Variants in ZNHIT3 observed in about 807,000 individuals in gnomAD.
The protein encoded by ZNHIT3 is zinc finger HIT domain-containing protein 3.
In ZNHIT3, 27 loss-of-function variants were observed where a neutral mutation model predicts 19.9. The observed-to-expected ratio is 1.36, with a 90% CI of 1.00 to 1.87. The LOEUF is 1.87. Ranked by LOEUF, ZNHIT3 falls within the 40% of genes most tolerant of loss-of-function variation. The probability of loss-of-function intolerance (pLI) is 0.00; values close to 1 mark genes in which losing one functional copy is unlikely to be tolerated. For synonymous variants in ZNHIT3, 81 were observed against 65.7 expected (o/e 1.23, Z -1.13); for missense variants, 215 against 185.6 (o/e 1.16, Z -0.92).
chr17:36,491,624 G>C (rs1209157689), intron 2 of ZNHIT3: 6 of 152,174 alleles, frequency 3.9e-5, no homozygotes, highest in Non-Finnish European at 7.3e-5. Flanking sequence ...CCTTTTGCTA[G>C]ATCTCTCTCT....
chr17:36,494,293 C>G (rs944075513), intron 4 of ZNHIT3, among the ~76,000 whole-genome samples: 4 of 152,204 alleles, frequency 2.6e-5, no homozygotes, highest in African/African-American at 7.2e-5. Flanking sequence ...CCTTTTGTGT[C>G]TCTTTCAGAA....
downstream of ZNHIT3, chr17:36,499,148 C>T (rs1477110040): frequency 1.2e-6 from 2 of 1,606,112 alleles, no homozygotes; most frequent in Non-Finnish European, 1.7e-6. Flanking sequence ...CCGAGTTAAC[C>T]AGGAACGAAT....
At chr17:36,493,791 T>G in intron 3 of ZNHIT3, 135 bp from the exon 4 acceptor site, 1 of 648,020 alleles carries the variant, frequency 1.5e-6, no homozygotes, top group South Asian at 1.9e-5. Context: ...AGGATTTTTG[T>G]CTGTACCTGC....
intron 1 of ZNHIT3, 66 bp downstream of exon 1, chr17:36,486,851 G>A (rs1207734393): frequency 1.9e-6 from 3 of 1,597,170 alleles, no homozygotes; most frequent in African/African-American, 2.7e-5. Flanking sequence ...GCGGGAGGCC[G>A]GGAGGCCGGG....
downstream of ZNHIT3, chr17:36,499,063 G>A (rs767168320): frequency 1.0e-5 from 16 of 1,597,068 alleles, no homozygotes; most frequent in African/African-American, 1.6e-4. Flanking sequence ...CGACTTCTTG[G>A]GTCTTACTTA....
At chr17:36,493,671 T>C (rs554158190) in intron 3 of ZNHIT3, among the ~76,000 whole-genome samples, 1 of 152,346 alleles carries the variant, frequency 6.6e-6, no homozygotes, top group South Asian at 2.1e-4. Context: ...GGACCACATA[T>C]ACAGTAAGGA....
In ZNHIT3 at chr17:36,495,691, A is replaced by C; in HGVS notation, c.*287A>C. The C allele has an allele frequency of 7.9e-7, 1 of 1,262,996 alleles. No homozygotes were observed. Among genetic ancestry groups the C allele is most frequent in the Non-Finnish European group, 9.9e-7 (1 of 1,006,422 alleles). 78.2% of individuals were successfully genotyped at this position (1,262,996 alleles called of 1,614,324 possible). A position where few individuals can be genotyped will look rare whatever the true frequency, so the allele number is the denominator to read the frequency against. ...TTGATAGACATCATAAACGATATCA[A>C]GCTTACACTTCATATGGAGTTAAAC... On this transcript the variant is annotated 3_prime_UTR_variant, in exon 5 of 5. Transcript: ENST00000617429.
intron 2 of ZNHIT3, chr17:36,492,593 T>A (rs2070751779): frequency 8.7e-6 from 5 of 571,860 alleles, no homozygotes; most frequent in Non-Finnish European, 1.5e-5. Context: ...TGGGGACAGG[T>A]TCTTGGGGTG....
chr17:36,497,713 C>T (rs912778281), downstream of ZNHIT3: 16 of 211,036 alleles, frequency 7.6e-5, no homozygotes, highest in Non-Finnish European at 1.1e-4. Flanking sequence ...GCCTCCCGAG[C>T]AGCTGGGACT....
intron 2 of ZNHIT3, 149 bp downstream of exon 2, chr17:36,487,115 C>T (rs911521884): frequency 2.8e-6 from 3 of 1,067,044 alleles, no homozygotes; most frequent in East Asian, 2.7e-5. Flanking sequence ...CTTCCTCTGA[C>T]TTGGTCCCTG....
intron 2 of ZNHIT3, chr17:36,491,492 A>C (rs2070725331): frequency 6.6e-6 from 1 of 152,120 alleles, no homozygotes; most frequent in Non-Finnish European, 1.5e-5. Context: ...TTTTTCGTAG[A>C]GACAGGGTCT....
intron 3 of ZNHIT3, chr17:36,493,188 C>G (rs574590814): frequency 1.2e-4 from 57 of 489,660 alleles, no homozygotes; most frequent in African/African-American, 9.8e-4. Context: ...GGAGCCTTCT[C>G]TAGCCCATAG....
chr17:36,494,622 A>C (rs1397255576), intron 4 of ZNHIT3, among the ~76,000 whole-genome samples: 1 of 152,232 alleles, frequency 6.6e-6, no homozygotes, highest in Non-Finnish European at 1.5e-5. Context: ...TTTTGCACTT[A>C]GTCTCATGGT....
At chr17:36,492,962 G>A in intron 3 of ZNHIT3, 63 bp downstream of exon 3, 1 of 1,445,870 alleles carries the variant, frequency 6.9e-7, no homozygotes, top group Admixed American at 1.7e-5. Flanking sequence ...CGAAGGAAAA[G>A]GGGAGAGTGG....
chr17:36,489,457 A>G (rs1200776349), intron 2 of ZNHIT3: 1 of 151,932 alleles, frequency 6.6e-6, no homozygotes, highest in African/African-American at 2.4e-5. Context: ...CCTTGCCAAC[A>G]TGTTTTTTTC....
downstream of ZNHIT3, chr17:36,499,234 A>AACTGTGGTGCTGCT: frequency 9.5e-7 from 1 of 1,058,064 alleles, no homozygotes; most frequent in Non-Finnish European, 1.4e-6. Context: ...TCGCTGCAGC[A>AACTGTGGTGCTGCT]GCACCACAGT....
chr17:36,498,634 C>G, downstream of ZNHIT3: 1 of 1,449,386 alleles, frequency 6.9e-7, no homozygotes, highest in Non-Finnish European at 9.2e-7. Context: ...TCAAAACTAT[C>G]TTTAACAAAT....
downstream of ZNHIT3, among the ~76,000 whole-genome samples, chr17:36,497,334 A>C (rs1331033628): frequency 6.7e-5 from 10 of 150,246 alleles, no homozygotes; most frequent in East Asian, 1.9e-4. Flanking sequence ...AAAAAAAAAA[A>C]CCCACAGAGA....
chr17:36,492,706 C>A, intron 2 of ZNHIT3, 107 bp from the exon 3 acceptor site: 1 of 945,674 alleles, frequency 1.1e-6, no homozygotes, highest in Non-Finnish European at 1.7e-6. Flanking sequence ...CACCCACATC[C>A]CTTACCCCAG....
Sources: gnomAD v4.1 joint callset for allele counts (sites outside exome capture counted in the v4.1 genomes callset) on GRCh38, gnomAD v4.1.1 for gene constraint, MANE v1.5 for transcripts, NCBI Gene and HGNC (gene_info 2026-07-23, HGNC 2026-07-21) for gene names.